ITGBL1: variants seen among roughly 807,000 people sequenced by gnomAD.
ITGBL1 encodes the protein integrin beta-like protein 1.
Under a neutral mutation model 68.5 loss-of-function variants are expected in ITGBL1, and 51 were observed. That is an observed-to-expected ratio of 0.74 (90% CI 0.59 to 0.94). The LOEUF is 0.94. Ranked by LOEUF, ITGBL1 falls within the 40% of genes least tolerant of loss-of-function variation. ITGBL1 has a pLI of 0.00. For synonymous variants in ITGBL1, 209 were observed against 227.3 expected, an observed-to-expected ratio of 0.92 and a Z score of 0.72; for missense variants, 649 against 647.4, an observed-to-expected ratio of 1.00 and a Z score of -0.03.
chr13:101,583,137 A>AATAATAAGCGAT, intron 5 of ITGBL1, 79 bp from the exon 6 acceptor site: 4 of 1,409,480 alleles, frequency 2.8e-6, no homozygotes, highest in Non-Finnish European at 4.0e-6. Context: ...GTAAACAGAA[A>AATAATAAGCGAT]ATAATAAGCG....
chr13:101,551,970 T>G (rs191852253), intron 2 of ITGBL1, among the ~76,000 whole-genome samples: 35 of 152,300 alleles, frequency 2.3e-4, no homozygotes, highest in African/African-American at 5.8e-4. Flanking sequence ...TGGTGAGTTT[T>G]GAACTGATCA....
chr13:101,486,745 C>A (rs1451709296), intron 2 of ITGBL1, among the ~76,000 whole-genome samples: 1 of 152,074 alleles, frequency 6.6e-6, no homozygotes, highest in Non-Finnish European at 1.5e-5. Flanking sequence ...TAATTTTAAT[C>A]ATTAATGCTA....
intron 2 of ITGBL1, among the ~76,000 whole-genome samples, chr13:101,493,246 C>CT (rs2048806999): frequency 6.6e-6 from 1 of 151,864 alleles, no homozygotes. Context: ...GGAGCTCTTG[C>CT]TTTTTTGTCT....
At chr13:101,466,031 G>T (rs1471454608) in intron 2 of ITGBL1, among the ~76,000 whole-genome samples, 1 of 152,136 alleles carries the variant, frequency 6.6e-6, no homozygotes, top group Non-Finnish European at 1.5e-5. Context: ...AGTCAGAAAG[G>T]CCAAGAAAAC....
chr13:101,684,983 G>C (rs570541045), intron 7 of ITGBL1, among the ~76,000 whole-genome samples: 1 of 151,868 alleles, frequency 6.6e-6, no homozygotes, highest in Non-Finnish European at 1.5e-5. Flanking sequence ...TATAAAAAGA[G>C]TCATTTTACA....
chr13:101,637,526 G>A (rs2032214257), intron 7 of ITGBL1, among the ~76,000 whole-genome samples: 1 of 151,936 alleles, frequency 6.6e-6, no homozygotes, highest in African/African-American at 2.4e-5. Flanking sequence ...TGTATTTTTA[G>A]TAGAGATGGG....
At chr13:101,521,428 G>T (rs535816866) in intron 2 of ITGBL1, among the ~76,000 whole-genome samples, 1 of 152,134 alleles carries the variant, frequency 6.6e-6, no homozygotes, top group Non-Finnish European at 1.5e-5. Context: ...TTTTTGGGCC[G>T]ATGAGAAGCA....
chr13:101,552,691 T>C (rs1044434735), intron 2 of ITGBL1, among the ~76,000 whole-genome samples: 5 of 152,192 alleles, frequency 3.3e-5, no homozygotes, highest in African/African-American at 1.2e-4. Flanking sequence ...AATTAGAGGA[T>C]TTACAATAAA....
intron 7 of ITGBL1, among the ~76,000 whole-genome samples, chr13:101,648,178 A>G (rs762165394): frequency 2.0e-5 from 3 of 152,226 alleles, no homozygotes; most frequent in Non-Finnish European, 4.4e-5. Context: ...CCTACATTCA[A>G]TAAAAATATA....
At chr13:101,599,404 GT>G (rs2030206672) in intron 7 of ITGBL1, among the ~76,000 whole-genome samples, 1 of 150,048 alleles carries the variant, frequency 6.7e-6, no homozygotes, top group Admixed American at 6.6e-5. Flanking sequence ...CACTCTGATG[GT>G]GGTTTCTTTT....
rs2034693054 is a variant in ITGBL1, at chr13:101,715,747, G to A, written c.*93G>A. 6 of 718,542 alleles carry A rather than the reference G, an allele frequency of 8.4e-6. No individual in the cohort carries two copies. The East Asian group carries it at 1.5e-4, about 18-fold the overall frequency. The allele number at this position is 718,542 out of a possible 1,614,324, so 44.5% of individuals were successfully genotyped here. A position where few individuals can be genotyped will look rare whatever the true frequency, so the allele number is the denominator to read the frequency against. ...ACCATGTATATTCACCACTAGGACA[G>A]GTTAAAAAGACCATTGTATGTTTTT... On this transcript the variant is annotated 3_prime_UTR_variant, in exon 11 of 11. Coordinates refer to ENST00000376180, the MANE Select transcript of ITGBL1 (RefSeq NM_004791.3).
At chr13:101,509,696 T>G (rs2049084599) in intron 2 of ITGBL1, among the ~76,000 whole-genome samples, 1 of 152,180 alleles carries the variant, frequency 6.6e-6, no homozygotes, top group African/African-American at 2.4e-5. Flanking sequence ...GTTTTAGTGA[T>G]GCACAAAGCC....
At chr13:101,581,256 T>G (rs1033404659) in intron 5 of ITGBL1, among the ~76,000 whole-genome samples, 6 of 152,178 alleles carry the variant, frequency 3.9e-5, no homozygotes, top group African/African-American at 1.4e-4. Flanking sequence ...AGAAGCTGCT[T>G]CTTCGTCACA....
chr13:101,614,023 G>A (rs1172889311), intron 7 of ITGBL1, among the ~76,000 whole-genome samples: 10 of 128,380 alleles, frequency 7.8e-5, no homozygotes, highest in African/African-American at 2.8e-4. Context: ...GTTGAATAGG[G>A]ATAGGAGGGA....
chr13:101,617,418 A>G (rs577624261), intron 7 of ITGBL1, among the ~76,000 whole-genome samples: 26 of 152,222 alleles, frequency 1.7e-4, no homozygotes, highest in Non-Finnish European at 7.4e-5. Flanking sequence ...TCTTTGTTCT[A>G]TAATTCCTTA....
intron 7 of ITGBL1, among the ~76,000 whole-genome samples, chr13:101,605,591 C>T (rs2030754582): frequency 6.6e-6 from 1 of 151,186 alleles, no homozygotes; most frequent in Admixed American, 6.6e-5. Flanking sequence ...CGTATTTAGA[C>T]ACGTACGTGT....
At chr13:101,637,762 A>G (rs985281956) in intron 7 of ITGBL1, among the ~76,000 whole-genome samples, 3 of 152,216 alleles carry the variant, frequency 2.0e-5, no homozygotes, top group Non-Finnish European at 4.4e-5. Flanking sequence ...GGCATACCAT[A>G]TCTGGCTACA....
chr13:101,695,337 C>T (rs1396277809), intron 8 of ITGBL1, among the ~76,000 whole-genome samples: 1 of 151,994 alleles, frequency 6.6e-6, no homozygotes, highest in East Asian at 1.9e-4. Context: ...GAGTGTGTGA[C>T]GTGTGCCAGG....
chr13:101,454,812 C>A (rs2048219759), intron 2 of ITGBL1, among the ~76,000 whole-genome samples: 1 of 152,154 alleles, frequency 6.6e-6, no homozygotes. Context: ...AGTAAACGGG[C>A]ACATATTTAC....
Sources: gnomAD v4.1 joint callset for allele counts (sites outside exome capture counted in the v4.1 genomes callset) on GRCh38, gnomAD v4.1.1 for gene constraint, MANE v1.5 for transcripts, NCBI Gene and HGNC (gene_info 2026-07-23, HGNC 2026-07-21) for gene names.